KAZN: variants seen among roughly 807,000 people sequenced by gnomAD.
KAZN encodes the protein kazrin, periplakin interacting protein, also known as kazrin.
A neutral mutation model predicts 87.4 loss-of-function variants in KAZN; 40 were observed. That is an observed-to-expected ratio of 0.46 (90% confidence interval 0.36 to 0.60). The LOEUF (loss-of-function observed/expected upper bound fraction) is 0.60, where lower values mean the gene tolerates loss of function less well. Among genes scored for constraint, KAZN ranks in the 20% least tolerant of loss-of-function variants. KAZN has a pLI of 0.00. For missense variants in KAZN, 898 were observed against 1,073.9 expected, an observed-to-expected ratio of 0.84 and a Z score of 2.29; for synonymous variants, 466 against 458.3, an observed-to-expected ratio of 1.02 and a Z score of -0.22.
At chr1:14,464,429 G>C (rs777387533) in intron 2 of KAZN, among the ~76,000 whole-genome samples, 6 of 152,018 alleles carry the variant, frequency 3.9e-5, no homozygotes, top group Non-Finnish European at 7.4e-5. Context: ...ATGCTCTTTG[G>C]TTTACCCAAG....
At chr1:15,022,437 C>G (rs917257111) in intron 2 of KAZN, among the ~76,000 whole-genome samples, 1 of 152,142 alleles carries the variant, frequency 6.6e-6, no homozygotes, top group South Asian at 2.1e-4. Context: ...CCCATTTGAC[C>G]GTGAGGCAAA....
chr1:14,145,486 T>A (rs1645328023), intron 1 of KAZN, among the ~76,000 whole-genome samples: 1 of 152,042 alleles, frequency 6.6e-6, no homozygotes, highest in Admixed American at 6.6e-5. Context: ...CCACACACAC[T>A]ATTCTTTGAC....
chr1:13,907,880 A>C (rs1293374672), intron 1 of KAZN, among the ~76,000 whole-genome samples: 1 of 152,202 alleles, frequency 6.6e-6, no homozygotes, highest in Non-Finnish European at 1.5e-5. Context: ...GGGTGAGGTT[A>C]TAAGACTGTG....
At chr1:14,985,336 G>T (rs12046999) in intron 2 of KAZN, among the ~76,000 whole-genome samples, 1 of 144,260 alleles carries the variant, frequency 6.9e-6, no homozygotes, top group East Asian at 2.0e-4. Context: ...TTGAGACCAG[G>T]TTGGGCAACA....
chr1:14,581,250 C>T (rs572179747), intron 2 of KAZN, among the ~76,000 whole-genome samples: 7 of 152,188 alleles, frequency 4.6e-5, no homozygotes, highest in Non-Finnish European at 8.8e-5. Flanking sequence ...CACCGCCTTC[C>T]GCATTCGGGA....
intron 1 of KAZN, among the ~76,000 whole-genome samples, chr1:14,793,325 C>T (rs2311335): frequency 0.26 from 39,998 of 151,976 alleles, 5,739 homozygotes; most frequent in Non-Finnish European, 0.32. Context: ...TTTTCCCAGG[C>T]TCCTTTAAGA....
intron 1 of KAZN, among the ~76,000 whole-genome samples, chr1:14,700,898 A>T (rs1265337411): frequency 6.6e-6 from 1 of 152,186 alleles, no homozygotes; most frequent in African/African-American, 2.4e-5. Context: ...ATCCAGATAC[A>T]TTCTTGGATG....
chr1:14,681,965 C>T (rs964919664), intron 1 of KAZN, among the ~76,000 whole-genome samples: 6 of 151,812 alleles, frequency 4.0e-5, no homozygotes, highest in African/African-American at 1.2e-4. Context: ...GGATTACAGG[C>T]GTGAGCCACC....
intron 1 of KAZN, among the ~76,000 whole-genome samples, chr1:14,778,409 A>C (rs1487211500): frequency 6.6e-6 from 1 of 151,204 alleles, no homozygotes; most frequent in Non-Finnish European, 1.5e-5. Context: ...AAAAAAAAAA[A>C]AAAACCCACA....
chr1:15,086,612 G>GT (rs1222142792), intron 8 of KAZN, among the ~76,000 whole-genome samples: 3 of 152,198 alleles, frequency 2.0e-5, no homozygotes, highest in African/African-American at 7.2e-5. Flanking sequence ...TGGTAAACAT[G>GT]TAAGTCAATT....
intron 2 of KAZN, among the ~76,000 whole-genome samples, chr1:14,459,604 AT>A (rs1241392882): frequency 2.0e-5 from 3 of 152,154 alleles, no homozygotes; most frequent in African/African-American, 4.8e-5. Flanking sequence ...GCCACAACCA[AT>A]TAACCATGTC....
chr1:13,946,706 GA>G lies in KAZN; in HGVS notation c.91+52951del, dbSNP rs140279586. 8.9e-3 allele frequency among the ~76,000 whole-genome samples: 1,362 copies of G among 152,298 alleles called. 23 individuals carry two copies. The highest frequency in any genetic ancestry group is 0.031 in the African/African-American group (1,287 of 41,554). Reference sequence around the variant, plus strand: ...CCTGTAATGTGTGTCAAAGATGCTAGATGGCTAAGGTATTATGATCCTGAGG... The same window carrying G: ...CCTGTAATGTGTGTCAAAGATGCTAGTGGCTAAGGTATTATGATCCTGAGG... On this transcript the variant is annotated intron_variant, in intron 1 of 16. Coordinates refer to the KAZN transcript ENST00000636203.
At chr1:15,023,579 G>T (rs925579950) in intron 2 of KAZN, among the ~76,000 whole-genome samples, 1 of 152,132 alleles carries the variant, frequency 6.6e-6, no homozygotes, top group Non-Finnish European at 1.5e-5. Context: ...ACAGATCTTG[G>T]GGGGGTCCTT....
chr1:14,291,820 C>T (rs538191404), intron 2 of KAZN, among the ~76,000 whole-genome samples: 24 of 152,278 alleles, frequency 1.6e-4, no homozygotes, highest in East Asian at 3.9e-4. Context: ...CATCTTGGAA[C>T]GAATCGATTG....
At chr1:14,182,853 A>C (rs1171478896) in intron 2 of KAZN, among the ~76,000 whole-genome samples, 2 of 152,138 alleles carry the variant, frequency 1.3e-5, no homozygotes, top group African/African-American at 4.8e-5. Context: ...ATGTAGATAT[A>C]ACTTATCTGA....
intron 1 of KAZN, among the ~76,000 whole-genome samples, chr1:14,656,239 A>G (rs1362660990): frequency 1.3e-5 from 2 of 152,170 alleles, no homozygotes; most frequent in African/African-American, 4.8e-5. Context: ...ATTTGCCATC[A>G]GGGAGGGAGC....
At chr1:14,180,655 A>T in intron 2 of KAZN, 2 of 1,412,970 alleles carry the variant, frequency 1.4e-6, no homozygotes, top group Non-Finnish European at 1.9e-6. Context: ...TTTTTGGCAT[A>T]AGCTGTCCAA....
Position 15,094,308 on chromosome 1 carries a change from G to A in KAZN, c.1351G>A (p.Val451Ile), listed in dbSNP as rs761787678. ...TPMSHWKAGT[V>I]QAWLEVVMAM... ...TATGTCCCACTGGAAGGCGGGCACCGTCCAGGCCTGGCTGGAGGTGGTGAT... is the reference window on the plus strand; with the variant it reads ...TATGTCCCACTGGAAGGCGGGCACCATCCAGGCCTGGCTGGAGGTGGTGAT... Residue 451 changes from valine to isoleucine, a missense_variant, in exon 9 of 15, where the codon GTC becomes ATC. Physicochemically the swap from Val to Ile is conservative, Grantham distance 29. Around this residue, in one of 3 missense-constraint regions of KAZN, gnomAD observed 521 missense variants for 689.4 expected, o/e 0.76. Transcript: ENST00000376030. The surrounding 1 kb of genome is among the most constrained non-coding windows in gnomAD (Gnocchi z 4.5). The A allele has an allele frequency of 1.8e-5, 29 of 1,613,798 alleles. No homozygotes were observed. Among genetic ancestry groups the A allele is most frequent in the East Asian group, 1.1e-4 (5 of 44,894 alleles).
chr1:14,434,645 T>C (rs1007944645), intron 2 of KAZN, among the ~76,000 whole-genome samples: 2 of 151,302 alleles, frequency 1.3e-5, no homozygotes, highest in African/African-American at 2.5e-5. Context: ...TTGGGAAACC[T>C]TAGAATGGAG....
Sources: allele counts gnomAD v4.1 joint callset (sites outside exome capture counted in the v4.1 genomes callset), GRCh38; gene constraint gnomAD v4.1.1; regional missense constraint gnomAD v4.1.1; non-coding constraint Gnocchi (gnomAD v3.1); transcripts MANE v1.5; gene names NCBI Gene and HGNC (gene_info 2026-07-23, HGNC 2026-07-21).